The following NRCAM variants were observed in gnomAD, a reference collection of about 807,000 sequenced individuals.
NRCAM encodes the protein NgCAM-related cell adhesion molecule.
NRCAM carries 83 observed loss-of-function variants against 156.5 expected under a neutral mutation model. The observed-to-expected ratio is 0.53, with a 90% CI of 0.44 to 0.64. The LOEUF (loss-of-function observed/expected upper bound fraction) is 0.64, where lower values mean the gene tolerates loss of function less well. NRCAM is among the 30% of genes least tolerant of loss of function. The pLI is 0.00. For synonymous variants in NRCAM, 538 were observed against 563.9 expected (o/e 0.95, Z 0.65); for missense variants, 1,417 against 1,597.3 (o/e 0.89, Z 1.92).
intron 3 of NRCAM, among the ~76,000 whole-genome samples, chr7:108,273,345 C>A (rs1259229295): frequency 6.6e-6 from 1 of 152,174 alleles, no homozygotes. Flanking sequence ...AATGGTTGAA[C>A]TAGTTTACAG....
chr7:108,167,162 G>A (rs2054978920), intron 29 of NRCAM, 89 bp from the exon 30 acceptor site: 1 of 948,008 alleles, frequency 1.1e-6, no homozygotes, highest in Admixed American at 2.4e-5. Flanking sequence ...TTCTTTATAA[G>A]CTAAAGACAA....
intron 14 of NRCAM, 148 bp from the exon 15 acceptor site, chr7:108,196,020 G>A (rs988228529): frequency 1.6e-6 from 1 of 631,222 alleles, no homozygotes; most frequent in East Asian, 2.8e-5. Context: ...CAGGCATAAT[G>A]CTGCCAGTCA....
rs10665036 is a variant in NRCAM, at chr7:108,300,160, C to CTTTTTTTTTTTTT, written c.-107+12492_-107+12504dup. On this transcript the variant is annotated intron_variant, in intron 3 of 32. Coordinates refer to ENST00000379028, the MANE Select transcript of NRCAM (RefSeq NM_001037132.4). The stretch of plus-strand genomic sequence containing the variant: ...TAATCCTTCCCCAAATTTCTGTTGA[C>CTTTTTTTTTTTTT]TTTTTTTTTTTTTTTTTTTTTTTTT... Among the ~76,000 whole-genome samples, 3 of 65,858 alleles carry CTTTTTTTTTTTTT rather than the reference C, an allele frequency of 4.6e-5. 1 individual carries two copies. The highest frequency in any genetic ancestry group is 1.7e-4 in the African/African-American group (3 of 17,648). The allele number at this position is 65,858 out of a possible 152,430, so 43.2% of individuals were successfully genotyped here.
intron 24 of NRCAM, 131 bp from the exon 25 acceptor site, chr7:108,180,558 C>A: frequency 1.5e-6 from 1 of 669,906 alleles, no homozygotes; most frequent in East Asian, 2.7e-5. Flanking sequence ...ACTAGCAAAA[C>A]TGATGGATAT....
intron 20 of NRCAM, among the ~76,000 whole-genome samples, chr7:108,185,670 G>C (rs1370235912): frequency 6.8e-6 from 1 of 146,268 alleles, no homozygotes; most frequent in Admixed American, 7.1e-5. Context: ...AGTGAACCAT[G>C]ATCAAGCCAC....
rs560873407 is a variant in NRCAM at position 108,288,037 on chromosome 7, C to G, written c.-107+24628G>C. Among the ~76,000 whole-genome samples the G allele has an allele frequency of 5.9e-5, 9 of 152,080 alleles. No homozygotes were observed. In the South Asian group the frequency reaches 1.9e-3, roughly 32 times the overall value. The stretch of plus-strand genomic sequence containing the variant: ...CATGCACACATACGTATACACATAA[C>G]CATGGAATACTACTCAGCCATAAAA... On this transcript the variant is annotated intron_variant, in intron 3 of 32. Coordinates refer to ENST00000379028, the MANE Select transcript of NRCAM (RefSeq NM_001037132.4).
chr7:108,194,949 G>A (rs2074103586), intron 15 of NRCAM, among the ~76,000 whole-genome samples: 1 of 152,178 alleles, frequency 6.6e-6, no homozygotes, highest in African/African-American at 2.4e-5. Flanking sequence ...ATATGAAAGG[G>A]GATGGTCTGA....
intron 2 of NRCAM, among the ~76,000 whole-genome samples, chr7:108,375,663 T>C (rs946576394): frequency 3.9e-5 from 6 of 152,224 alleles, no homozygotes; most frequent in African/African-American, 1.2e-4. Flanking sequence ...ATAGCTCATC[T>C]TGGGTTCTAT....
chr7:108,279,629 C>T (rs1021716905), intron 3 of NRCAM, among the ~76,000 whole-genome samples: 4 of 147,654 alleles, frequency 2.7e-5, no homozygotes, highest in African/African-American at 5.0e-5. Flanking sequence ...CCCATCCCCC[C>T]TGCCCTCCCC....
intron 2 of NRCAM, among the ~76,000 whole-genome samples, chr7:108,358,244 CA>C (rs71314689): frequency 0.014 from 1,018 of 71,762 alleles, 12 homozygotes; most frequent in African/African-American, 0.05. Context: ...CCCCTCTCTA[CA>C]AAAAAAAAAA....
chr7:108,455,252 G>T (rs896066582), intron 1 of NRCAM, among the ~76,000 whole-genome samples: 3 of 152,144 alleles, frequency 2.0e-5, no homozygotes, highest in African/African-American at 7.2e-5. Flanking sequence ...AGCTGAGCTG[G>T]CCAACCGCCT....
At position 108,181,898 on chromosome 7, in the gene NRCAM, A is replaced by G. The variant is rs1427974577; in HGVS notation, c.2570T>C (p.Val857Ala). The stretch of plus-strand genomic sequence containing the variant: ...GTGCACCTCGGCTAAGGTACTGTTC[A>G]CCACATTCACACGCACGTTCCCAGG... ...VAPGNVRVNV[V>A]NSTLAEVHWD... The change falls in exon 24 of 33, where the codon GTG becomes GCG. Residue 857 changes from valine to alanine, a missense_variant. Around this residue, in one of 2 missense-constraint regions of NRCAM, gnomAD observed 1,238 missense variants for 1,336.4 expected, o/e 0.93. Transcript: ENST00000379028. 1 of 1,614,126 alleles carries G rather than the reference A, an allele frequency of 6.2e-7. No individual in the cohort carries two copies. Among genetic ancestry groups the G allele is most frequent in the Non-Finnish European group, 8.5e-7 (1 of 1,180,012 alleles).
At chr7:108,443,005 C>T (rs940174264) in intron 1 of NRCAM, among the ~76,000 whole-genome samples, 7 of 152,152 alleles carry the variant, frequency 4.6e-5, no homozygotes, top group Non-Finnish European at 8.8e-5. Context: ...AAATTTATGT[C>T]TGTAGCACGG....
chr7:108,242,621 C>A (rs183579110), intron 3 of NRCAM, among the ~76,000 whole-genome samples: 2 of 152,152 alleles, frequency 1.3e-5, no homozygotes, highest in Non-Finnish European at 2.9e-5. Flanking sequence ...TGAAAACATG[C>A]GGATCTTACA....
intron 1 of NRCAM, among the ~76,000 whole-genome samples, chr7:108,409,202 T>C (rs1792255524): frequency 6.6e-6 from 1 of 152,128 alleles, no homozygotes; most frequent in African/African-American, 2.4e-5. Flanking sequence ...TGCAAAAAGG[T>C]AGAATTTCCA....
intron 2 of NRCAM, among the ~76,000 whole-genome samples, chr7:108,392,118 C>T (rs1244615037): frequency 6.6e-6 from 1 of 152,122 alleles, no homozygotes; most frequent in Non-Finnish European, 1.5e-5. Flanking sequence ...TGAATGTTGG[C>T]CTGCCTTGCT....
intron 2 of NRCAM, among the ~76,000 whole-genome samples, chr7:108,395,344 C>CA (rs2099773806): frequency 6.6e-6 from 1 of 152,184 alleles, no homozygotes; most frequent in African/African-American, 2.4e-5. Context: ...TGTAGCAGGA[C>CA]ATTATCTGAT....
intron 2 of NRCAM, among the ~76,000 whole-genome samples, chr7:108,386,536 T>C (rs1347917240): frequency 1.3e-5 from 2 of 152,126 alleles, no homozygotes; most frequent in African/African-American, 4.8e-5. Flanking sequence ...ACAAAAGAGA[T>C]TACATTGGGC....
chr7:108,157,339 T>A (rs2046123433), intron 32 of NRCAM, among the ~76,000 whole-genome samples: 1 of 152,096 alleles, frequency 6.6e-6, no homozygotes, highest in African/African-American at 2.4e-5. Flanking sequence ...AAATTAACAC[T>A]AAGACAAAGA....
Sources: gnomAD v4.1 joint callset for allele counts (sites outside exome capture counted in the v4.1 genomes callset) on GRCh38, gnomAD v4.1.1 for gene constraint, gnomAD v4.1.1 regional missense constraint, MANE v1.5 for transcripts, NCBI Gene and HGNC (gene_info 2026-07-23, HGNC 2026-07-21) for gene names.